Variants in TNIK observed in about 807,000 individuals in gnomAD.
TNIK encodes TRAF2 and NCK interacting kinase.
A neutral mutation model predicts 191.3 loss-of-function variants in TNIK; 49 were observed. The ratio of observed to expected loss-of-function variants is 0.26; its 90% CI spans 0.20 to 0.32. The LOEUF (loss-of-function observed/expected upper bound fraction) is 0.32, where lower values mean the gene tolerates loss of function less well. TNIK is among the 10% of genes least tolerant of loss of function. The pLI, the probability that TNIK is intolerant of heterozygous loss-of-function variation, is 1.00. For missense variants in TNIK, 1,155 were observed against 1,702.3 expected, an observed-to-expected ratio of 0.68 and a Z score of 5.66; for synonymous variants, 594 against 600.9, an observed-to-expected ratio of 0.99 and a Z score of 0.17.
intron 12 of TNIK, among the ~76,000 whole-genome samples, chr3:171,144,315 C>A (rs1414423343): frequency 6.6e-6 from 1 of 152,162 alleles, no homozygotes. Context: ...TGTTGCCTTA[C>A]TCTATGGAGT....
At chr3:171,258,942 C>T (rs543848667) in intron 2 of TNIK, among the ~76,000 whole-genome samples, 10 of 152,230 alleles carry the variant, frequency 6.6e-5, no homozygotes, top group South Asian at 4.2e-4. Context: ...GACACATGTG[C>T]GCGCACACAC....
intron 2 of TNIK, among the ~76,000 whole-genome samples, chr3:171,349,881 T>A (rs1295481414): frequency 6.6e-6 from 1 of 152,224 alleles, no homozygotes; most frequent in Non-Finnish European, 1.5e-5. Context: ...TTTTTTTGTA[T>A]GTCTTAAAAT....
intron 2 of TNIK, among the ~76,000 whole-genome samples, chr3:171,234,794 A>G (rs1361919999): frequency 6.6e-6 from 1 of 152,206 alleles, no homozygotes; most frequent in Non-Finnish European, 1.5e-5. Context: ...CCCAGGAAAG[A>G]CACGCACAGC....
At chr3:171,220,503 A>G (rs1467085103) in intron 3 of TNIK, among the ~76,000 whole-genome samples, 1 of 152,204 alleles carries the variant, frequency 6.6e-6, no homozygotes. Context: ...CAACAAGAGA[A>G]GACCTAGTGA....
Position 171,125,950 on chromosome 3 carries a change from T to C in TNIK, c.1975A>G (p.Ser659Gly). The C allele has an allele frequency of 6.2e-7, 1 of 1,613,976 alleles. No homozygotes were observed. The highest frequency in any genetic ancestry group is 8.5e-7 in the Non-Finnish European group (1 of 1,179,896). Residue 659 changes from serine (S) to glycine (G), a missense_variant, in exon 17 of 33, where the codon AGC becomes GGC. Transcript: ENST00000436636. ...LPTRIEKFDRSSWLRQEEDIP... is the reference protein window; with the variant it reads ...LPTRIEKFDRGSWLRQEEDIP... ...TCTTCTTCCTGTCGTAACCAAGAGC[T>C]TCGGTCAAACTTTTCAATGCGAGTG... is the stretch of plus-strand genomic sequence containing the variant.
intron 28 of TNIK, among the ~76,000 whole-genome samples, chr3:171,072,698 T>C (rs377280275): frequency 1.8e-4 from 27 of 152,272 alleles, no homozygotes; most frequent in African/African-American, 6.3e-4. Flanking sequence ...AAAAGACTCT[T>C]AGTGCTGATA....
chr3:171,110,220 T>TAAAA (rs1415150984), intron 19 of TNIK, among the ~76,000 whole-genome samples: 14 of 152,226 alleles, frequency 9.2e-5, no homozygotes, highest in African/African-American at 3.4e-4. Flanking sequence ...ATATGCTTTT[T>TAAAA]AAGTCAAAGA....
intron 2 of TNIK, among the ~76,000 whole-genome samples, chr3:171,340,978 G>A (rs1757442445): frequency 6.6e-6 from 1 of 152,064 alleles, no homozygotes; most frequent in Non-Finnish European, 1.5e-5. Context: ...TGAAAGGATG[G>A]AAGAAGAGAG....
intron 3 of TNIK, among the ~76,000 whole-genome samples, chr3:171,216,982 T>G (rs909168748): frequency 2.0e-5 from 3 of 152,154 alleles, no homozygotes; most frequent in African/African-American, 7.2e-5. Flanking sequence ...TTGCTGTATA[T>G]GTTAACTCTA....
intron 3 of TNIK, among the ~76,000 whole-genome samples, chr3:171,215,870 T>A (rs149926931): frequency 0.013 from 1,970 of 152,270 alleles, 40 homozygotes; most frequent in African/African-American, 0.045. Flanking sequence ...TAACTCTCAA[T>A]CCGTGGCAGA....
intron 3 of TNIK, among the ~76,000 whole-genome samples, chr3:171,220,254 C>A (rs1742131416): frequency 6.6e-6 from 1 of 151,838 alleles, no homozygotes; most frequent in Non-Finnish European, 1.5e-5. Flanking sequence ...GGGTGGCGGG[C>A]AAGGGGAGGG....
intron 12 of TNIK, among the ~76,000 whole-genome samples, chr3:171,142,467 A>C (rs1730973001): frequency 6.6e-6 from 1 of 152,226 alleles, no homozygotes; most frequent in Non-Finnish European, 1.5e-5. Context: ...GTGGACACCA[A>C]TTTAGAAACA....
intron 6 of TNIK, among the ~76,000 whole-genome samples, chr3:171,189,406 C>G (rs930612008): frequency 1.3e-5 from 2 of 151,942 alleles, no homozygotes; most frequent in African/African-American, 4.8e-5. Flanking sequence ...TGAAGTGTAC[C>G]CATGAGGAAG....
intron 9 of TNIK, among the ~76,000 whole-genome samples, chr3:171,174,409 A>G (rs910225685): frequency 2.0e-5 from 3 of 152,242 alleles, no homozygotes; most frequent in Non-Finnish European, 2.9e-5. Context: ...AATTGACCTC[A>G]GACCATGAGT....
At chr3:171,348,176 T>C (rs141302546) in intron 2 of TNIK, among the ~76,000 whole-genome samples, 6 of 152,340 alleles carry the variant, frequency 3.9e-5, no homozygotes, top group African/African-American at 1.2e-4. Flanking sequence ...ACATGCCTCA[T>C]GCCTGTGCTT....
chr3:171,213,952 C>T (rs759376996), intron 3 of TNIK, among the ~76,000 whole-genome samples: 3 of 152,026 alleles, frequency 2.0e-5, no homozygotes, highest in Non-Finnish European at 4.4e-5. Flanking sequence ...TACTAATCTA[C>T]ATAACCAAAA....
intron 2 of TNIK, among the ~76,000 whole-genome samples, chr3:171,334,681 T>G (rs925583015): frequency 6.6e-6 from 1 of 152,154 alleles, no homozygotes; most frequent in Non-Finnish European, 1.5e-5. Flanking sequence ...GAAAAAAGAC[T>G]CATGAAGTCT....
At chr3:171,208,429 C>T (rs1377368587) in intron 4 of TNIK, among the ~76,000 whole-genome samples, 1 of 152,128 alleles carries the variant, frequency 6.6e-6, no homozygotes, top group African/African-American at 2.4e-5. Flanking sequence ...ATATTTTCAA[C>T]ACAATTAGTA....
Position 171,110,877 on chromosome 3 carries a change from G to C in TNIK, c.2121C>G (p.Ser707Arg). The change falls in exon 19 of 33, where the codon AGC (serine) becomes AGG (arginine). Residue 707 changes from serine to arginine, a missense_variant and splice_region_variant. Physicochemically the swap from Ser to Arg is moderately radical, Grantham distance 110. This residue lies in a region of TNIK where 735 missense variants were observed against 848.0 expected (regional missense o/e 0.87). Coordinates refer to ENST00000436636, the MANE Select transcript of TNIK (RefSeq NM_015028.4). ...GCTCAGTTCTCCGGAGATCAGGGTT[G>C]CTGTGTGAGTGACAGAGCACACTGG... ...PRLGSQPIRA[S>R]NPDLRRTEPI... 6.3e-7 allele frequency: 1 copy of C among 1,599,398 alleles called. No individual in the cohort carries two copies. Among genetic ancestry groups the C allele is most frequent in the Non-Finnish European group, 8.5e-7 (1 of 1,173,582 alleles).
Sources: gnomAD v4.1 joint callset for allele counts (sites outside exome capture counted in the v4.1 genomes callset) on GRCh38, gnomAD v4.1.1 for gene constraint, gnomAD v4.1.1 regional missense constraint, MANE v1.5 for transcripts, NCBI Gene and HGNC (gene_info 2026-07-23, HGNC 2026-07-21) for gene names.